Variants in HIP1 observed in about 807,000 individuals in gnomAD.
HIP1 encodes huntingtin-interacting protein 1.
A neutral mutation model predicts 147.6 loss-of-function variants in HIP1; 65 were observed. That is an observed-to-expected ratio of 0.44 (90% confidence interval 0.36 to 0.54). HIP1 has a LOEUF of 0.54. HIP1 is among the 20% of genes least tolerant of loss of function. HIP1 has a pLI of 0.00. For missense variants in HIP1, 1,061 were observed against 1,299.6 expected (o/e 0.82, Z 2.82); for synonymous variants, 479 against 504.0 (o/e 0.95, Z 0.67).
At chr7:75,682,448 T>C (rs1385969540) in intron 1 of HIP1, among the ~76,000 whole-genome samples, 1 of 146,372 alleles carries the variant, frequency 6.8e-6, no homozygotes, top group Non-Finnish European at 1.5e-5. Flanking sequence ...TTTCTAAAGG[T>C]GGGATCTCAC....
At position 75,534,608 on chromosome 7, in the gene HIP1, A is replaced by G. The variant is rs769092802; in HGVS notation, c.*3564T>C. On this transcript the variant is annotated 3_prime_UTR_variant, in exon 31 of 31. Coordinates refer to ENST00000336926, the MANE Select transcript of HIP1 (RefSeq NM_005338.7). ...GCCACCATGCCCGGCTAATTTTTGTATTTTTAGTAGAGACGGGGTTTCACC... is the reference window on the plus strand; with the variant it reads ...GCCACCATGCCCGGCTAATTTTTGTGTTTTTAGTAGAGACGGGGTTTCACC... 53 of 174,866 alleles carry G rather than the reference A, an allele frequency of 3.0e-4. No homozygotes were observed. Among genetic ancestry groups the G allele is most frequent in the Non-Finnish European group, 5.3e-4 (43 of 81,062 alleles). 10.8% of individuals were successfully genotyped at this position (174,866 alleles called of 1,614,324 possible). A position where few individuals can be genotyped will look rare whatever the true frequency, so the allele number is the denominator to read the frequency against.
Position 75,568,326 on chromosome 7 carries a change from C to T in HIP1, c.746-70G>A, listed in dbSNP as rs994264159. The stretch of plus-strand genomic sequence containing the variant: ...GGCAGGGAAGCCACAGCGGGGCTCT[C>T]GAGGGGGAGGGGCCCAGCTACCCTG... On this transcript the variant is annotated intron_variant, in intron 8 of 30. Coordinates refer to ENST00000336926, the MANE Select transcript of HIP1 (RefSeq NM_005338.7). The surrounding 1 kb of genome is among the most constrained non-coding windows in gnomAD (Gnocchi z 4.1). The T allele has an allele frequency of 1.1e-5, 11 of 1,014,828 alleles. No homozygotes were observed. Among genetic ancestry groups the T allele is most frequent in the East Asian group, 9.5e-5 (4 of 42,064 alleles). 62.9% of individuals were successfully genotyped at this position (1,014,828 alleles called of 1,614,324 possible).
chr7:75,670,367 G>A (rs2705792), intron 1 of HIP1, among the ~76,000 whole-genome samples: 85,611 of 150,076 alleles, frequency 0.57, 24,713 homozygotes, highest in African/African-American at 0.67. Flanking sequence ...ATGTTGCCCC[G>A]GCTGGTCTCA....
chr7:75,657,779 C>T (rs1230886273), intron 1 of HIP1, among the ~76,000 whole-genome samples: 3 of 151,886 alleles, frequency 2.0e-5, no homozygotes, highest in African/African-American at 7.3e-5. Flanking sequence ...GAAAAACTAC[C>T]TATTAATATT....
chr7:75,635,330 T>G (rs1798386142), intron 1 of HIP1, among the ~76,000 whole-genome samples: 2 of 152,126 alleles, frequency 1.3e-5, no homozygotes, highest in South Asian at 4.1e-4. Context: ...CAGCCTGTGC[T>G]CAGCTCTGCA....
At chr7:75,696,908 T>C (rs1400652482) in intron 1 of HIP1, among the ~76,000 whole-genome samples, 2 of 151,634 alleles carry the variant, frequency 1.3e-5, no homozygotes, top group Non-Finnish European at 2.9e-5. Context: ...CCCAGTGTTT[T>C]TCTCACTTGC....
At chr7:75,720,978 C>T (rs1409663806) in intron 1 of HIP1, among the ~76,000 whole-genome samples, 5 of 147,266 alleles carry the variant, frequency 3.4e-5, no homozygotes, top group East Asian at 2.0e-4. Flanking sequence ...GCGGAGGTTG[C>T]GGTAAGCCAA....
chr7:75,661,108 G>A (rs187530837), intron 1 of HIP1, among the ~76,000 whole-genome samples: 8 of 151,796 alleles, frequency 5.3e-5, no homozygotes, highest in South Asian at 2.1e-4. Flanking sequence ...GCAAAATCCC[G>A]TCTCTACCAA....
At chr7:75,641,525 C>G (rs560274922) in intron 1 of HIP1, among the ~76,000 whole-genome samples, 2 of 150,396 alleles carry the variant, frequency 1.3e-5, no homozygotes, top group Admixed American at 6.6e-5. Context: ...AAGTCTCACA[C>G]TTGTTGCCCA....
At chr7:75,682,101 C>A (rs150565701) in intron 1 of HIP1, among the ~76,000 whole-genome samples, 1 of 135,324 alleles carries the variant, frequency 7.4e-6, no homozygotes, top group Non-Finnish European at 1.5e-5. Flanking sequence ...CCTGGGATTA[C>A]GGGCACACCA....
At chr7:75,616,085 CAAAAAAAAAA>C (rs71098042) in intron 1 of HIP1, among the ~76,000 whole-genome samples, 2 of 35,322 alleles carry the variant, frequency 5.7e-5, no homozygotes, top group Admixed American at 3.9e-4. Context: ...GACTCTGTCT[CAAAAAAAAAA>C]AAAAAAAAAA....
At chr7:75,541,569 G>A (rs1563188052) in intron 29 of HIP1, among the ~76,000 whole-genome samples, 2 of 151,046 alleles carry the variant, frequency 1.3e-5, no homozygotes, top group Non-Finnish European at 2.9e-5. Context: ...GGTGACGCAC[G>A]TCTGTAATCC....
chr7:75,537,946 G>A lies in HIP1; in HGVS notation c.*226C>T. ...ATGGGCAGCACTGGCCAGCCTGGAT[G>A]CTAACTAGGGAGGCGGGAAAAGAAC... On this transcript the variant is annotated 3_prime_UTR_variant, in exon 31 of 31. Transcript: ENST00000336926. The A allele has an allele frequency of 1.7e-6, 1 of 576,204 alleles. No homozygotes were observed. Among genetic ancestry groups the A allele is most frequent in the Non-Finnish European group, 3.2e-6 (1 of 314,738 alleles). 35.7% of individuals were successfully genotyped at this position (576,204 alleles called of 1,614,324 possible). A position where few individuals can be genotyped will look rare whatever the true frequency, so the allele number is the denominator to read the frequency against.
intron 1 of HIP1, among the ~76,000 whole-genome samples, chr7:75,603,508 A>G (rs1458755716): frequency 6.6e-6 from 1 of 152,016 alleles, no homozygotes; most frequent in Non-Finnish European, 1.5e-5. Context: ...GTCCTCTGGG[A>G]GGACAAGAAT....
intron 1 of HIP1, among the ~76,000 whole-genome samples, chr7:75,642,618 C>G (rs903795344): frequency 2.0e-5 from 3 of 152,244 alleles, no homozygotes; most frequent in Non-Finnish European, 4.4e-5. Context: ...TGTCTATCCT[C>G]TCTCATCCTC....
At chr7:75,539,193 A>G in intron 30 of HIP1, 130 bp downstream of exon 30, 1 of 667,902 alleles carries the variant, frequency 1.5e-6, no homozygotes, top group South Asian at 1.8e-5. Flanking sequence ...AGGTTCCATG[A>G]GGAGAGAAGA....
At chr7:75,559,703 G>GGCCGGCCC in intron 14 of HIP1, 29 bp downstream of exon 14, 2 of 1,195,144 alleles carry the variant, frequency 1.7e-6, no homozygotes, top group Non-Finnish European at 2.3e-6. Flanking sequence ...TGCCCCCGGG[G>GGCCGGCCC]CCCGCCCCCG....
At chr7:75,545,242 G>A in intron 25 of HIP1, 54 bp from the exon 26 acceptor site, 1 of 1,024,236 alleles carries the variant, frequency 9.8e-7, no homozygotes, top group South Asian at 1.3e-5. Context: ...GTACTATATG[G>A]CAGGTGCTTT....
intron 22 of HIP1, among the ~76,000 whole-genome samples, chr7:75,549,358 CTTTCT>C (rs1245161529): frequency 3.5e-5 from 5 of 142,926 alleles, no homozygotes; most frequent in Non-Finnish European, 7.6e-5. Context: ...CTTTTGCTTT[CTTTCT>C]TTTCTTTTCT....
Sources: gnomAD v4.1 joint callset for allele counts (sites outside exome capture counted in the v4.1 genomes callset) on GRCh38, gnomAD v4.1.1 for gene constraint, Gnocchi (gnomAD v3.1) non-coding constraint, MANE v1.5 for transcripts, NCBI Gene and HGNC (gene_info 2026-07-23, HGNC 2026-07-21) for gene names.